DLG2: variants seen among roughly 807,000 people sequenced by gnomAD.
DLG2 encodes disks large homolog 2.
Under a neutral mutation model 132.5 loss-of-function variants are expected in DLG2, and 45 were observed. The ratio of observed to expected loss-of-function variants is 0.34; its 90% CI spans 0.27 to 0.44. DLG2 has a LOEUF of 0.44. DLG2 is among the 20% of genes least tolerant of loss of function. The probability of loss-of-function intolerance (pLI) is 1.00; values close to 1 mark genes in which losing one functional copy is unlikely to be tolerated. For synonymous variants in DLG2, 424 were observed against 419.6 expected (o/e 1.01, Z -0.13); for missense variants, 1,045 against 1,196.9 (o/e 0.87, Z 1.87).
intron 9 of DLG2, among the ~76,000 whole-genome samples, chr11:84,135,506 T>C (rs1253698814): frequency 2.6e-5 from 4 of 152,010 alleles, no homozygotes; most frequent in Admixed American, 2.0e-4. Context: ...GAGTTAAGGA[T>C]TATGTCAGGG....
chr11:84,991,517 A>G (rs536502930), intron 6 of DLG2, among the ~76,000 whole-genome samples: 1 of 143,328 alleles, frequency 7.0e-6, no homozygotes, highest in Non-Finnish European at 1.5e-5. Context: ...TCAAAAAAAA[A>G]AAAAAAAAAG....
At chr11:84,399,771 G>A (rs948349900) in intron 7 of DLG2, among the ~76,000 whole-genome samples, 1 of 152,098 alleles carries the variant, frequency 6.6e-6, no homozygotes, top group African/African-American at 2.4e-5. Context: ...TAAGACATTG[G>A]ACTATTTTTG....
At chr11:84,828,246 A>G (rs1012137186) in intron 6 of DLG2, among the ~76,000 whole-genome samples, 2 of 151,918 alleles carry the variant, frequency 1.3e-5, no homozygotes, top group African/African-American at 2.4e-5. Context: ...GGAGCTGCTA[A>G]CATTTTACAT....
At chr11:83,882,255 G>C (rs903620450) in intron 15 of DLG2, among the ~76,000 whole-genome samples, 15 of 152,030 alleles carry the variant, frequency 9.9e-5, no homozygotes, top group African/African-American at 3.6e-4. Context: ...AAAAAATCTT[G>C]ACCCTCACAT....
chr11:83,540,430 T>G (rs1046223475), intron 20 of DLG2, among the ~76,000 whole-genome samples: 1 of 151,984 alleles, frequency 6.6e-6, no homozygotes, highest in Non-Finnish European at 1.5e-5. Context: ...TGGTGGGAGA[T>G]CTATAGGCAC....
intron 6 of DLG2, among the ~76,000 whole-genome samples, chr11:84,589,422 T>A (rs1456519412): frequency 1.3e-5 from 2 of 152,120 alleles, no homozygotes; most frequent in Non-Finnish European, 2.9e-5. Flanking sequence ...TATTGATCAG[T>A]CAGTCACTCT....
intron 9 of DLG2, among the ~76,000 whole-genome samples, chr11:84,100,727 T>C (rs946162617): frequency 2.0e-5 from 3 of 152,068 alleles, no homozygotes; most frequent in African/African-American, 7.2e-5. Context: ...ATGAATTCAG[T>C]AGTTATTTCA....
intron 7 of DLG2, among the ~76,000 whole-genome samples, chr11:84,516,126 C>CAA (rs57802333): frequency 1.1e-4 from 17 of 148,790 alleles, no homozygotes; most frequent in Non-Finnish European, 1.9e-4. Context: ...ATGTCTACAT[C>CAA]AAAAAAAAAG....
chr11:83,887,195 C>G (rs1389376420), intron 15 of DLG2, among the ~76,000 whole-genome samples: 2 of 151,880 alleles, frequency 1.3e-5, no homozygotes, highest in Admixed American at 1.3e-4. Context: ...AATTGATAGA[C>G]CACTAGCAAG....
chr11:85,526,950 T>A (rs1598281504), intron 3 of DLG2, among the ~76,000 whole-genome samples: 1 of 152,168 alleles, frequency 6.6e-6, no homozygotes, highest in South Asian at 2.1e-4. Flanking sequence ...ACTTTTTCAA[T>A]GAAAAAATTT....
intron 6 of DLG2, among the ~76,000 whole-genome samples, chr11:84,743,340 T>C (rs1408832068): frequency 6.6e-6 from 1 of 152,222 alleles, no homozygotes; most frequent in African/African-American, 2.4e-5. Flanking sequence ...TTTATAGTTC[T>C]GAAGGATCTT....
intron 18 of DLG2, among the ~76,000 whole-genome samples, chr11:83,747,315 C>T (rs2092987253): frequency 2.4e-5 from 3 of 124,862 alleles, no homozygotes; most frequent in Non-Finnish European, 5.7e-5. Flanking sequence ...TTCCTTCCTT[C>T]CTTCCTTCCT....
intron 11 of DLG2, among the ~76,000 whole-genome samples, chr11:84,016,724 C>T (rs570580410): frequency 1.6e-4 from 25 of 152,144 alleles, no homozygotes; most frequent in Non-Finnish European, 3.4e-4. Flanking sequence ...TAGATTGCCA[C>T]ATCACCTTAT....
chr11:84,151,301 T>C (rs565396325), intron 9 of DLG2, among the ~76,000 whole-genome samples: 1 of 152,152 alleles, frequency 6.6e-6, no homozygotes, highest in Non-Finnish European at 1.5e-5. Context: ...TTTCCAGAAA[T>C]TTCTCCATTT....
At chr11:83,768,941 G>A (rs2094262666) in intron 18 of DLG2, among the ~76,000 whole-genome samples, 1 of 152,174 alleles carries the variant, frequency 6.6e-6, no homozygotes, top group Non-Finnish European at 1.5e-5. Flanking sequence ...CTACTTAATT[G>A]TTGTGTAACT....
At chr11:85,511,730 T>G (rs562696512) in intron 3 of DLG2, among the ~76,000 whole-genome samples, 117 of 151,604 alleles carry the variant, frequency 7.7e-4, no homozygotes, top group African/African-American at 2.8e-3. Context: ...GTTTCTTTTT[T>G]TTTTTTTCTG....
Position 84,251,299 on chromosome 11 carries a change from A to G in DLG2, c.520-8T>C. The G allele has an allele frequency of 6.4e-7, 1 of 1,568,092 alleles. No individual in the cohort carries two copies. The highest frequency in any genetic ancestry group is 8.6e-7 in the Non-Finnish European group (1 of 1,159,950). On this transcript the variant is annotated splice_region_variant and splice_polypyrimidine_tract_variant and intron_variant, in intron 7 of 27. Coordinates refer to ENST00000376104, the MANE Select transcript of DLG2 (RefSeq NM_001142699.3). ...TATAGGAGCAGGACTGGCCTGAAAAAAGAAATAGAAAAAAAATTAAATAAT... is the reference window on the plus strand; with the variant it reads ...TATAGGAGCAGGACTGGCCTGAAAAGAGAAATAGAAAAAAAATTAAATAAT...
At chr11:85,195,204 G>A (rs2080938020) in intron 4 of DLG2, among the ~76,000 whole-genome samples, 1 of 152,204 alleles carries the variant, frequency 6.6e-6, no homozygotes, top group South Asian at 2.1e-4. Context: ...ATTGTAATCA[G>A]TACGAATCTA....
At chr11:85,361,813 G>A (rs59713586) in intron 3 of DLG2, among the ~76,000 whole-genome samples, 6,577 of 152,078 alleles carry the variant, frequency 0.043, 184 homozygotes, top group East Asian at 0.095. Context: ...TTGAATTTGG[G>A]GATTGTTTTT....
Sources: allele counts gnomAD v4.1 joint callset (sites outside exome capture counted in the v4.1 genomes callset), GRCh38; gene constraint gnomAD v4.1.1; transcripts MANE v1.5; gene names NCBI Gene and HGNC (gene_info 2026-07-23, HGNC 2026-07-21).